The following OR51B5 variants were observed in gnomAD, a reference collection of about 807,000 sequenced individuals.
OR51B5 encodes olfactory receptor 51B5.
For synonymous variants in OR51B5, 186 were observed against 144.8 expected (o/e 1.28, Z -2.04); for missense variants, 456 against 374.6 (o/e 1.22, Z -1.79).
At chr11:5,414,594 C>A (rs112370223) in intron 1 of OR51B5, among the ~76,000 whole-genome samples, 1 of 139,492 alleles carries the variant, frequency 7.2e-6, no homozygotes, top group Non-Finnish European at 1.6e-5. Flanking sequence ...GAAGATCTAC[C>A]AAGCAAATGG....
intron 1 of OR51B5, chr11:5,488,747 C>A: frequency 6.2e-7 from 1 of 1,613,898 alleles, no homozygotes; most frequent in Non-Finnish European, 8.5e-7. Flanking sequence ...CTTCCAGACA[C>A]CTTCTTCTTA....
At chr11:5,394,881 T>C (rs964174585) in intron 1 of OR51B5, among the ~76,000 whole-genome samples, 1 of 152,204 alleles carries the variant, frequency 6.6e-6, no homozygotes, top group Admixed American at 6.5e-5. Flanking sequence ...TTGTGATCTT[T>C]ACATACTTGC....
At chr11:5,481,572 C>T (rs2133808428) in intron 1 of OR51B5, among the ~76,000 whole-genome samples, 1 of 150,474 alleles carries the variant, frequency 6.6e-6, no homozygotes, top group Middle Eastern at 3.4e-3. Context: ...TCAAATTGTC[C>T]CTGTTTGCAG....
intron 1 of OR51B5, among the ~76,000 whole-genome samples, chr11:5,380,266 C>A (rs1021966820): frequency 1.3e-5 from 2 of 152,170 alleles, no homozygotes; most frequent in African/African-American, 4.8e-5. Context: ...TCTGTGCACA[C>A]ACAGATGCAG....
chr11:5,418,280 A>G (rs1297316492), intron 1 of OR51B5, among the ~76,000 whole-genome samples: 2 of 152,100 alleles, frequency 1.3e-5, no homozygotes, highest in African/African-American at 2.4e-5. Flanking sequence ...GGGTAGGGAT[A>G]GCATTGGGAG....
chr11:5,453,455 C>A (rs527688089), intron 1 of OR51B5: 65 of 1,454,948 alleles, frequency 4.5e-5, no homozygotes, highest in Non-Finnish European at 5.7e-5. Context: ...GTCAGAAGAT[C>A]TGACTCTGAA....
chr11:5,422,686 T>C (rs1384380149), intron 1 of OR51B5: 3 of 1,614,056 alleles, frequency 1.9e-6, no homozygotes, highest in Admixed American at 1.7e-5. Flanking sequence ...TTCCCTCCCT[T>C]TTCTTACTCA....
chr11:5,358,762 A>G (rs558136907), intron 1 of OR51B5, among the ~76,000 whole-genome samples: 3 of 152,288 alleles, frequency 2.0e-5, no homozygotes, highest in South Asian at 4.1e-4. Flanking sequence ...CTGGCAAAGC[A>G]AATCCAGCAG....
chr11:5,374,582 G>GA (rs919478546), intron 1 of OR51B5, among the ~76,000 whole-genome samples: 5 of 151,800 alleles, frequency 3.3e-5, no homozygotes, highest in Non-Finnish European at 7.4e-5. Context: ...TAAAAACTTT[G>GA]AAAAAAAATT....
chr11:5,455,408 G>C (rs528087137), intron 1 of OR51B5: 1 of 150,542 alleles, frequency 6.6e-6, no homozygotes, highest in African/African-American at 2.4e-5. Flanking sequence ...TTAGATACCA[G>C]AAAATAATTC....
chr11:5,403,078 C>G, intron 1 of OR51B5: 2 of 471,640 alleles, frequency 4.2e-6, no homozygotes, highest in South Asian at 3.1e-5. Context: ...GCTCATGGCT[C>G]CGTTGCCCAT....
chr11:5,472,638 C>T (rs1716203345), intron 1 of OR51B5, among the ~76,000 whole-genome samples: 1 of 152,192 alleles, frequency 6.6e-6, no homozygotes, highest in Admixed American at 6.5e-5. Context: ...ATTTCTCCCA[C>T]TTAGAAGTTT....
chr11:5,460,484 G>A (rs76209353), intron 1 of OR51B5, among the ~76,000 whole-genome samples: 18 of 494 alleles, frequency 0.036, no homozygotes, highest in African/African-American at 0.098. Context: ...CTTTCAACTC[G>A]AGTCATTTTA....
rs192036316 is a variant in OR51B5 at position 5,414,903 on chromosome 11, C to T, written n.85-67993G>A. Among the ~76,000 whole-genome samples the T allele has an allele frequency of 1.9e-3, 288 of 152,302 alleles. 1 individual carries two copies. The highest frequency in any genetic ancestry group is 6.4e-3 in the African/African-American group (266 of 41,564). ...TCAACAAGGATACACAGGAACTGAACTCAGCTCTGCACCAAGCGGACCTAA... is the reference window on the plus strand; with the variant it reads ...TCAACAAGGATACACAGGAACTGAATTCAGCTCTGCACCAAGCGGACCTAA... On this transcript the variant is annotated intron_variant and non_coding_transcript_variant, in intron 1 of 4. Coordinates refer to the OR51B5 transcript ENST00000415970.
intron 1 of OR51B5, among the ~76,000 whole-genome samples, chr11:5,357,283 C>G (rs180738558): frequency 1.8e-4 from 28 of 152,004 alleles, no homozygotes; most frequent in African/African-American, 6.8e-4. Flanking sequence ...GGAGGAAGAT[C>G]TACCAAGAAA....
chr11:5,478,050 T>C (rs1204090762), intron 1 of OR51B5, among the ~76,000 whole-genome samples: 5 of 151,630 alleles, frequency 3.3e-5, no homozygotes, highest in African/African-American at 9.7e-5. Context: ...GCTCCACCTC[T>C]GGGGGCAGGG....
At chr11:5,422,239 C>T in intron 1 of OR51B5, 1 of 1,613,474 alleles carries the variant, frequency 6.2e-7, no homozygotes, top group East Asian at 2.2e-5. Flanking sequence ...AAGGCATCTA[C>T]TTCATCCTCA....
At chr11:5,439,390 C>T (rs771950252) in intron 1 of OR51B5, among the ~76,000 whole-genome samples, 14 of 152,162 alleles carry the variant, frequency 9.2e-5, no homozygotes, top group Non-Finnish European at 1.6e-4. Context: ...AATTGTGATA[C>T]ACTGAGTTTC....
chr11:5,377,305 A>G lies in OR51B5; in HGVS notation n.85-30395T>C, dbSNP rs1050191153. Among the ~76,000 whole-genome samples the G allele has an allele frequency of 3.3e-3, 495 of 152,266 alleles. 10 individuals carry two copies. Among genetic ancestry groups the G allele is most frequent in the East Asian group, 6.2e-3 (32 of 5,186 alleles). ...TCAATAAATTAGGTATTGATGGGACATATCTCAAAATAATAAGAGCTATCT... is the reference window on the plus strand; with the variant it reads ...TCAATAAATTAGGTATTGATGGGACGTATCTCAAAATAATAAGAGCTATCT... On this transcript the variant is annotated intron_variant and non_coding_transcript_variant, in intron 1 of 4. Coordinates refer to the OR51B5 transcript ENST00000415970.
Sources: allele counts gnomAD v4.1 joint callset (sites outside exome capture counted in the v4.1 genomes callset), GRCh38; gene constraint gnomAD v4.1.1; transcripts MANE v1.5; gene names NCBI Gene and HGNC (gene_info 2026-07-23, HGNC 2026-07-21).